The following RRP15 variants were observed in gnomAD, a reference collection of about 807,000 sequenced individuals.
RRP15 encodes ribosomal RNA processing 15 homolog, also known as RRP15-like protein.
RRP15 carries 18 observed loss-of-function variants against 27.1 expected under a neutral mutation model. The observed-to-expected ratio is 0.66, with a 90% confidence interval of 0.46 to 0.98. The LOEUF is 0.98. RRP15 is among the 50% of genes least tolerant of loss of function. The probability of loss-of-function intolerance (pLI) is 0.00; values close to 1 mark genes in which losing one functional copy is unlikely to be tolerated. For missense variants in RRP15, 359 were observed against 337.8 expected (o/e 1.06, Z -0.49); for synonymous variants, 107 against 109.4 (o/e 0.98, Z 0.14).
chr1:218,307,532 T>C lies in RRP15; in HGVS notation c.605T>C (p.Ile202Thr), dbSNP rs1336135057. Residue 202 changes from isoleucine (I) to threonine (T), a missense_variant, in exon 4 of 5, where the codon ATA (isoleucine) becomes ACA (threonine). Transcript: ENST00000366932. ...TCTATGAGAAAGCGTGCTAAGTTGA[T>C]ATCAACTGTTTCCAAGAAAGATTTC... Reference protein sequence around the residue: ...GSSMRKRAKLISTVSKKDFIS... With the variant: ...GSSMRKRAKLTSTVSKKDFIS... 6.2e-7 allele frequency: 1 copy of C among 1,613,922 alleles called. No homozygotes were observed. The highest frequency in any genetic ancestry group is 8.5e-7 in the Non-Finnish European group (1 of 1,179,862).
chr1:218,333,889 C>T lies in RRP15; in HGVS notation c.*2798C>T, dbSNP rs960702756. The T allele has an allele frequency of 3.9e-5, 6 of 152,096 alleles. No individual in the cohort carries two copies. Among genetic ancestry groups the T allele is most frequent in the Admixed American group, 2.6e-4 (4 of 15,274 alleles). The allele number at this position is 152,096 out of a possible 1,614,324, so 9.4% of individuals were successfully genotyped here. On this transcript the variant is annotated 3_prime_UTR_variant, in exon 5 of 5. Coordinates refer to ENST00000366932, the MANE Select transcript of RRP15 (RefSeq NM_016052.4). ...ACACCTAGGATTTTATTTTTGGTAACTACTTAGAATAATATAGTAGGTTAC... is the reference window on the plus strand; with the variant it reads ...ACACCTAGGATTTTATTTTTGGTAATTACTTAGAATAATATAGTAGGTTAC...
intron 1 of RRP15, among the ~76,000 whole-genome samples, chr1:218,288,855 G>A (rs1039448434): frequency 6.6e-6 from 1 of 152,120 alleles, no homozygotes; most frequent in African/African-American, 2.4e-5. Flanking sequence ...TTTATAACCA[G>A]AGTATTCTTT....
intron 4 of RRP15, among the ~76,000 whole-genome samples, chr1:218,325,393 G>A (rs906903180): frequency 6.6e-6 from 1 of 152,168 alleles, no homozygotes; most frequent in African/African-American, 2.4e-5. Flanking sequence ...AGTGTCCTGA[G>A]AAAGGCTGCA....
rs1422007890 is a variant in RRP15 at position 218,332,358 on chromosome 1, T to C, written c.*1267T>C. The C allele has an allele frequency of 6.6e-6, 1 of 152,220 alleles. No individual in the cohort carries two copies. Among genetic ancestry groups the C allele is most frequent in the Non-Finnish European group, 1.5e-5 (1 of 68,038 alleles). The allele number at this position is 152,220 out of a possible 1,614,324, so 9.4% of individuals were successfully genotyped here. A position where few individuals can be genotyped will look rare whatever the true frequency, so the allele number is the denominator to read the frequency against. ...TCCAGCTGTTAAAAAGAGGAAAGAC[T>C]GTTTAATATCATTCCAAAATTTTTG... On this transcript the variant is annotated 3_prime_UTR_variant, in exon 5 of 5. Coordinates refer to ENST00000366932, the MANE Select transcript of RRP15 (RefSeq NM_016052.4).
chr1:218,310,631 A>AT (rs1655979556), intron 4 of RRP15, among the ~76,000 whole-genome samples: 1 of 106,102 alleles, frequency 9.4e-6, no homozygotes, highest in Non-Finnish European at 1.9e-5. Flanking sequence ...ATTTTAAAGA[A>AT]CTTTTTTAAA....
chr1:218,297,884 T>C (rs1215098456), intron 1 of RRP15, among the ~76,000 whole-genome samples: 1 of 152,192 alleles, frequency 6.6e-6, no homozygotes, highest in Admixed American at 6.5e-5. Context: ...TTGGAATTGA[T>C]GTGTATTGCA....
Position 218,310,777 on chromosome 1 carries a change from C to T in RRP15, c.705+3145C>T, listed in dbSNP as rs573323531. Among the ~76,000 whole-genome samples, 4 of 151,388 alleles carry T rather than the reference C, an allele frequency of 2.6e-5. No individual in the cohort carries two copies. The South Asian group carries it at 6.3e-4, about 24-fold the overall frequency. On this transcript the variant is annotated intron_variant, in intron 4 of 4. Coordinates refer to ENST00000366932, the MANE Select transcript of RRP15 (RefSeq NM_016052.4). ...CTTTCTTTTTTTTTTGAGACAAAGTCTTGCTCTGTTGCCCAGGCAGGAGTG... is the reference window on the plus strand; with the variant it reads ...CTTTCTTTTTTTTTTGAGACAAAGTTTTGCTCTGTTGCCCAGGCAGGAGTG...
chr1:218,304,876 TA>T, intron 2 of RRP15, 151 bp from the exon 3 acceptor site: 1 of 640,178 alleles, frequency 1.6e-6, no homozygotes, highest in Non-Finnish European at 2.7e-6. Flanking sequence ...CTCTCGAAGC[TA>T]AACCCCTAAC....
chr1:218,302,241 G>A (rs1655821073), intron 1 of RRP15, 53 bp from the exon 2 acceptor site: 2 of 1,449,570 alleles, frequency 1.4e-6, no homozygotes, highest in Non-Finnish European at 1.9e-6. Flanking sequence ...GGCCTTGGCA[G>A]CCTCTGCCTA....
chr1:218,326,360 G>A (rs1206571444), intron 4 of RRP15, among the ~76,000 whole-genome samples: 1 of 152,090 alleles, frequency 6.6e-6, no homozygotes, highest in Non-Finnish European at 1.5e-5. Context: ...TGATTTTATG[G>A]ATGCAATATA....
chr1:218,285,467 G>C lies in RRP15; in HGVS notation c.139+12G>C. On this transcript the variant is annotated intron_variant, in intron 1 of 4. Coordinates refer to ENST00000366932, the MANE Select transcript of RRP15 (RefSeq NM_016052.4). ...TTCTGATAGTGAAGGTAATGTGGTAGGGCTGAGCTTTGGTGTCTGGGAGGA... is the reference window on the plus strand; with the variant it reads ...TTCTGATAGTGAAGGTAATGTGGTACGGCTGAGCTTTGGTGTCTGGGAGGA... 2 of 1,613,890 alleles carry C rather than the reference G, an allele frequency of 1.2e-6. No homozygotes were observed. Among genetic ancestry groups the C allele is most frequent in the Non-Finnish European group, 1.7e-6 (2 of 1,179,942 alleles).
At chr1:218,327,817 A>G (rs1469711387) in intron 4 of RRP15, among the ~76,000 whole-genome samples, 1 of 152,262 alleles carries the variant, frequency 6.6e-6, no homozygotes, top group Non-Finnish European at 1.5e-5. Flanking sequence ...TAGATTTACA[A>G]AATCGAATAT....
intron 2 of RRP15, among the ~76,000 whole-genome samples, chr1:218,304,825 C>T (rs1655871107): frequency 1.3e-5 from 2 of 152,140 alleles, no homozygotes; most frequent in Non-Finnish European, 2.9e-5. Flanking sequence ...CAGAAACTCA[C>T]TTTGTGCCTC....
intron 4 of RRP15, among the ~76,000 whole-genome samples, chr1:218,320,779 A>C (rs1656175561): frequency 6.6e-6 from 1 of 152,186 alleles, no homozygotes; most frequent in Non-Finnish European, 1.5e-5. Flanking sequence ...TGGGCGAAAA[A>C]AATTGAATCC....
chr1:218,298,081 A>G (rs1228806405), intron 1 of RRP15, among the ~76,000 whole-genome samples: 2 of 152,158 alleles, frequency 1.3e-5, no homozygotes, highest in African/African-American at 4.8e-5. Context: ...CTGGAATGCC[A>G]ATAATAATAT....
At chr1:218,325,798 C>T (rs1656262099) in intron 4 of RRP15, among the ~76,000 whole-genome samples, 1 of 152,090 alleles carries the variant, frequency 6.6e-6, no homozygotes. Flanking sequence ...TTTTCTCTGT[C>T]TGTAGAACTC....
chr1:218,291,007 C>T (rs905941130), intron 1 of RRP15, among the ~76,000 whole-genome samples: 1 of 115,664 alleles, frequency 8.6e-6, no homozygotes, highest in African/African-American at 7.1e-5. Context: ...TGGTGTGTGC[C>T]GTGTGCCTGT....
intron 4 of RRP15, among the ~76,000 whole-genome samples, chr1:218,329,558 T>C (rs1318590186): frequency 6.6e-6 from 1 of 152,258 alleles, no homozygotes; most frequent in African/African-American, 2.4e-5. Context: ...CTCCTATCAG[T>C]GTGACGTGAG....
chr1:218,306,526 C>T (rs924406449), intron 3 of RRP15, among the ~76,000 whole-genome samples: 1 of 152,054 alleles, frequency 6.6e-6, no homozygotes, highest in Admixed American at 6.6e-5. Context: ...AATCCAGCAA[C>T]CATATGCAGG....
Sources: allele counts gnomAD v4.1 joint callset (sites outside exome capture counted in the v4.1 genomes callset), GRCh38; gene constraint gnomAD v4.1.1; transcripts MANE v1.5; gene names NCBI Gene and HGNC (gene_info 2026-07-23, HGNC 2026-07-21).